Variants in ADAM29 observed in about 807,000 individuals in gnomAD.
ADAM29 encodes ADAM metallopeptidase domain 29, also known as disintegrin and metalloproteinase domain-containing protein 29.
For synonymous variants in ADAM29, 367 were observed against 342.3 expected (o/e 1.07, Z -0.80); for missense variants, 969 against 1,001.8 (o/e 0.97, Z 0.44).
chr4:174,938,628 TAA>T (rs1420780452), intron 4 of ADAM29, among the ~76,000 whole-genome samples: 1 of 152,190 alleles, frequency 6.6e-6, no homozygotes, highest in South Asian at 2.1e-4. Flanking sequence ...GACCTTGTTT[TAA>T]GAGATGCTTG....
At chr4:174,965,378 A>G (rs1183856160) in intron 4 of ADAM29, among the ~76,000 whole-genome samples, 2 of 152,114 alleles carry the variant, frequency 1.3e-5, no homozygotes, top group African/African-American at 4.8e-5. Flanking sequence ...GTCTACCCCC[A>G]TGATCTGAAC....
chr4:174,933,896 T>C (rs887763168), intron 3 of ADAM29, among the ~76,000 whole-genome samples: 3 of 152,220 alleles, frequency 2.0e-5, no homozygotes, highest in Non-Finnish European at 4.4e-5. Flanking sequence ...TTTAGGTTAA[T>C]TCTGTGTCTC....
chr4:174,967,550 A>G (rs1247729545), intron 4 of ADAM29, among the ~76,000 whole-genome samples: 1 of 152,168 alleles, frequency 6.6e-6, no homozygotes, highest in Non-Finnish European at 1.5e-5. Flanking sequence ...ATTTCCTTCA[A>G]AAGCTTTTGA....
At chr4:174,970,292 G>A (rs1746399672) in intron 4 of ADAM29, among the ~76,000 whole-genome samples, 1 of 152,068 alleles carries the variant, frequency 6.6e-6, no homozygotes. Flanking sequence ...TGGAATCAAG[G>A]TTGTGAATCA....
Position 174,975,479 on chromosome 4 carries a change from C to T in ADAM29, c.-47C>T, listed in dbSNP as rs1229754492. On this transcript the variant is annotated 5_prime_UTR_variant, in exon 5 of 5. Coordinates refer to ENST00000359240, the MANE Select transcript of ADAM29 (RefSeq NM_014269.4). ...TGACTTCTGCTCTGGACCAGTGTTT[C>T]CATAACAGGGACTTCAAAATCACTG... The T allele has an allele frequency of 4.7e-6, 7 of 1,491,314 alleles. No homozygotes were observed. The highest frequency in any genetic ancestry group is 6.2e-6 in the Non-Finnish European group (7 of 1,120,334). 92.4% of individuals were successfully genotyped at this position (1,491,314 alleles called of 1,614,324 possible). A position where few individuals can be genotyped will look rare whatever the true frequency, so the allele number is the denominator to read the frequency against.
rs755382587 is a variant in ADAM29, at chr4:174,977,473, C to T, written c.1948C>T (p.Pro650Ser). 2 of 1,613,998 alleles carry T rather than the reference C, an allele frequency of 1.2e-6. No homozygotes were observed. Among genetic ancestry groups the T allele is most frequent in the African/African-American group, 1.3e-5 (1 of 75,016 alleles). Residue 650 changes from proline to serine, a missense_variant, in exon 5 of 5, where the codon CCT (proline) becomes TCT (serine). Pro to Ser is a moderately conservative substitution (Grantham distance 74, BLOSUM62 -1). Coordinates refer to ENST00000359240, the MANE Select transcript of ADAM29 (RefSeq NM_014269.4). ...CTGCCATTGCAATTATCTGTGGGAC[C>T]CTCCCAACTGCCTGATAAAAGGCTA... ...HHCHCNYLWDPPNCLIKGYGG... is the reference protein window; with the variant it reads ...HHCHCNYLWDSPNCLIKGYGG...
At chr4:174,930,666 T>G (rs1370883650) in intron 2 of ADAM29, among the ~76,000 whole-genome samples, 1 of 152,010 alleles carries the variant, frequency 6.6e-6, no homozygotes, top group African/African-American at 2.4e-5. Flanking sequence ...TGGCCAACTC[T>G]TTTTTTTAAA....
intron 4 of ADAM29, among the ~76,000 whole-genome samples, chr4:174,950,782 A>C (rs893443770): frequency 4.6e-5 from 7 of 152,250 alleles, no homozygotes; most frequent in African/African-American, 7.2e-5. Flanking sequence ...CCTGGTGGGA[A>C]GTGAGTAATT....
At chr4:174,968,102 T>G (rs1006761859) in intron 4 of ADAM29, among the ~76,000 whole-genome samples, 5 of 152,204 alleles carry the variant, frequency 3.3e-5, no homozygotes, top group Admixed American at 3.3e-4. Context: ...CAGGTGTCAG[T>G]ACACTTGCCT....
chr4:174,931,783 T>C (rs1174728928), intron 3 of ADAM29, among the ~76,000 whole-genome samples: 1 of 151,588 alleles, frequency 6.6e-6, no homozygotes, highest in East Asian at 2.0e-4. Context: ...CGTTAGTACC[T>C]ACCATAATTT....
chr4:174,932,427 A>G (rs1402050149), intron 3 of ADAM29, among the ~76,000 whole-genome samples: 3 of 152,208 alleles, frequency 2.0e-5, no homozygotes, highest in African/African-American at 7.2e-5. Flanking sequence ...ACCTCAGTCT[A>G]TTTGGGCTGC....
At chr4:174,956,692 A>T (rs1026028362) in intron 4 of ADAM29, among the ~76,000 whole-genome samples, 1 of 151,804 alleles carries the variant, frequency 6.6e-6, no homozygotes, top group Admixed American at 6.6e-5. Flanking sequence ...AGCATGCTTC[A>T]TGTGTTAACT....
intron 4 of ADAM29, among the ~76,000 whole-genome samples, chr4:174,953,015 G>A (rs1017234173): frequency 3.9e-5 from 6 of 152,162 alleles, no homozygotes; most frequent in Non-Finnish European, 5.9e-5. Context: ...GGCTGGGCGC[G>A]ATGGCTCACG....
intron 4 of ADAM29, among the ~76,000 whole-genome samples, chr4:174,938,514 A>G (rs1258869522): frequency 1.3e-5 from 2 of 151,966 alleles, no homozygotes; most frequent in Admixed American, 1.3e-4. Flanking sequence ...AAAGTGCTCT[A>G]TGTTTCTCTC....
At position 174,945,170 on chromosome 4, in the gene ADAM29, T is replaced by C. The variant is rs376721670; in HGVS notation, c.-181+8157T>C. 3.9e-5 allele frequency among the ~76,000 whole-genome samples: 6 copies of C among 152,264 alleles called. 1 individual carries two copies. Among genetic ancestry groups the C allele is most frequent in the Admixed American group, 1.3e-4 (2 of 15,282 alleles). ...CAACCTTGCCAGCATCTGTTATTAT[T>C]ATTATTTTACTTTTTAATAATACCC... is the stretch of plus-strand genomic sequence containing the variant. On this transcript the variant is annotated intron_variant, in intron 4 of 4. Transcript: ENST00000359240.
rs140329590 is a variant in ADAM29, at chr4:174,960,477, A to G, written c.-180-14869A>G. Among the ~76,000 whole-genome samples the G allele has an allele frequency of 4.4e-3, 672 of 152,114 alleles. 4 individuals are homozygous for G. Among genetic ancestry groups the G allele is most frequent in the African/African-American group, 0.015 (643 of 41,516 alleles). ...TAGATTTGTTTGATTTTTTATGTGG[A>G]CTTTGTGTATGTATCATCTGCAGGG... On this transcript the variant is annotated intron_variant, in intron 4 of 4. Transcript: ENST00000359240.
intron 4 of ADAM29, among the ~76,000 whole-genome samples, chr4:174,958,899 G>T (rs934443125): frequency 5.3e-5 from 8 of 151,766 alleles, no homozygotes; most frequent in Non-Finnish European, 1.2e-4. Flanking sequence ...TTGTAACACA[G>T]TGTTCCACAT....
At chr4:174,964,596 A>G (rs1329241571) in intron 4 of ADAM29, among the ~76,000 whole-genome samples, 1 of 152,130 alleles carries the variant, frequency 6.6e-6, no homozygotes, top group Non-Finnish European at 1.5e-5. Flanking sequence ...CTATTTTACT[A>G]AAAATATTTT....
At chr4:174,920,093 A>C (rs971575407) in intron 1 of ADAM29, among the ~76,000 whole-genome samples, 1 of 152,180 alleles carries the variant, frequency 6.6e-6, no homozygotes, top group Admixed American at 6.5e-5. Context: ...GTCATCATGA[A>C]TCATGTTACC....
Sources: allele counts gnomAD v4.1 joint callset (sites outside exome capture counted in the v4.1 genomes callset), GRCh38; gene constraint gnomAD v4.1.1; transcripts MANE v1.5; gene names NCBI Gene and HGNC (gene_info 2026-07-23, HGNC 2026-07-21).